Variants in ADARB2 observed in about 807,000 individuals in gnomAD.
ADARB2 encodes adenosine deaminase RNA specific B2 (inactive).
Under a neutral mutation model 62.2 loss-of-function variants are expected in ADARB2, and 25 were observed. That is an observed-to-expected ratio of 0.40 (90% confidence interval 0.29 to 0.56). ADARB2 has a LOEUF of 0.56. Ranked by LOEUF, ADARB2 falls within the 20% of genes least tolerant of loss-of-function variation. The probability of loss-of-function intolerance (pLI) is 0.43; values close to 1 mark genes in which losing one functional copy is unlikely to be tolerated. For missense variants in ADARB2, 1,071 were observed against 1,077.4 expected (o/e 0.99, Z 0.08); for synonymous variants, 572 against 500.8 (o/e 1.14, Z -1.90).
intron 1 of ADARB2, among the ~76,000 whole-genome samples, chr10:1,602,188 AC>A (rs1333971578): frequency 1.3e-5 from 2 of 152,096 alleles, no homozygotes; most frequent in Non-Finnish European, 2.9e-5. Context: ...ACTCCCAGAG[AC>A]CCTGATGTGG....
In ADARB2 at chr10:1,563,636, T is replaced by TA. The variant is rs202109649; in HGVS notation, c.100+173414dup. On this transcript the variant is annotated intron_variant, in intron 1 of 9. Coordinates refer to ENST00000381312, the MANE Select transcript of ADARB2 (RefSeq NM_018702.4). ...GGACATTTCATTTTACTTTTTTTTT[T>TA]ATTATTATTATACTTTAAGTTTTAG... Among the ~76,000 whole-genome samples the TA allele has an allele frequency of 5.8e-3, 870 of 151,168 alleles. 8 individuals are homozygous for TA. Among genetic ancestry groups the TA allele is most frequent in the African/African-American group, 0.02 (837 of 41,242 alleles).
chr10:1,312,821 A>G (rs1401441963), intron 3 of ADARB2, among the ~76,000 whole-genome samples: 1 of 152,178 alleles, frequency 6.6e-6, no homozygotes, highest in Non-Finnish European at 1.5e-5. Flanking sequence ...TCTGTTCCAG[A>G]TGCCTGTGCC....
chr10:1,270,858 G>A (rs1831254475), intron 4 of ADARB2, 97 bp downstream of exon 4: 1 of 1,023,410 alleles, frequency 9.8e-7, no homozygotes, highest in Non-Finnish European at 1.5e-6. Context: ...ACAGCCTGTT[G>A]TGGAAGAGAG....
intron 3 of ADARB2, among the ~76,000 whole-genome samples, chr10:1,303,048 G>A (rs1246066861): frequency 3.3e-5 from 5 of 152,192 alleles, no homozygotes; most frequent in African/African-American, 9.6e-5. Flanking sequence ...GACTAGCTGA[G>A]AGAAGAAGGC....
At chr10:1,479,354 G>A (rs891918679) in intron 1 of ADARB2, among the ~76,000 whole-genome samples, 3 of 152,184 alleles carry the variant, frequency 2.0e-5, no homozygotes, top group Non-Finnish European at 2.9e-5. Context: ...CCCATGACAC[G>A]TGAATGACAA....
chr10:1,666,307 G>A (rs940272420), intron 1 of ADARB2, among the ~76,000 whole-genome samples: 4 of 152,232 alleles, frequency 2.6e-5, no homozygotes, highest in Admixed American at 1.3e-4. Flanking sequence ...TGCCTGCCCC[G>A]CCAGGGCGAG....
At chr10:1,439,479 T>C (rs1475020345) in intron 1 of ADARB2, among the ~76,000 whole-genome samples, 1 of 132,244 alleles carries the variant, frequency 7.6e-6, no homozygotes, top group Non-Finnish European at 1.6e-5. Context: ...GGTCCTTCAC[T>C]ACGGGGCTTC....
intron 1 of ADARB2, among the ~76,000 whole-genome samples, chr10:1,667,007 G>A (rs1385405038): frequency 1.3e-5 from 2 of 152,140 alleles, no homozygotes; most frequent in Non-Finnish European, 2.9e-5. Context: ...AAACATAGAG[G>A]GTTTTTAAGT....
At chr10:1,448,917 C>T (rs927570844) in intron 1 of ADARB2, among the ~76,000 whole-genome samples, 3 of 152,156 alleles carry the variant, frequency 2.0e-5, no homozygotes, top group Non-Finnish European at 4.4e-5. Context: ...TCAGGGGTCC[C>T]CAGCTCATCT....
At chr10:1,721,547 T>A (rs1835092548) in intron 1 of ADARB2, among the ~76,000 whole-genome samples, 1 of 152,226 alleles carries the variant, frequency 6.6e-6, no homozygotes, top group Admixed American at 6.5e-5. Flanking sequence ...GTACACAGAT[T>A]GCAAGTGATT....
chr10:1,532,318 C>A (rs1222285072), intron 1 of ADARB2, among the ~76,000 whole-genome samples: 1 of 152,156 alleles, frequency 6.6e-6, no homozygotes, highest in Non-Finnish European at 1.5e-5. Flanking sequence ...CCAACAAAAC[C>A]AGCACCAAAA....
At chr10:1,361,267 G>A (rs970639639) in intron 3 of ADARB2, 1 of 151,570 alleles carries the variant, frequency 6.6e-6, no homozygotes, top group Non-Finnish European at 1.5e-5. Context: ...GCTACAGAGA[G>A]TGTAGAAACA....
chr10:1,722,520 C>T (rs532286911), intron 1 of ADARB2, among the ~76,000 whole-genome samples: 1 of 152,164 alleles, frequency 6.6e-6, no homozygotes, highest in African/African-American at 2.4e-5. Flanking sequence ...CCCGGTAACC[C>T]AAAGCATGAG....
chr10:1,529,854 C>G (rs1472820509), intron 1 of ADARB2, among the ~76,000 whole-genome samples: 1 of 152,220 alleles, frequency 6.6e-6, no homozygotes, highest in African/African-American at 2.4e-5. Flanking sequence ...AAGCCGCTCT[C>G]TGCTCCCCTG....
At chr10:1,697,702 G>A (rs1324605068) in intron 1 of ADARB2, among the ~76,000 whole-genome samples, 3 of 152,164 alleles carry the variant, frequency 2.0e-5, no homozygotes, top group Non-Finnish European at 4.4e-5. Context: ...AGGATGTGCT[G>A]CAGTGTGAGT....
chr10:1,448,521 C>T (rs1447762748), intron 1 of ADARB2, among the ~76,000 whole-genome samples: 1 of 152,198 alleles, frequency 6.6e-6, no homozygotes, highest in African/African-American at 2.4e-5. Context: ...CTCTTCTTCC[C>T]AGCCTGTGAG....
chr10:1,360,356 G>T (rs1161563887), intron 3 of ADARB2, among the ~76,000 whole-genome samples: 1 of 152,206 alleles, frequency 6.6e-6, no homozygotes, highest in Non-Finnish European at 1.5e-5. Flanking sequence ...TCAGACAAGG[G>T]CCAGGGACTC....
intron 1 of ADARB2, among the ~76,000 whole-genome samples, chr10:1,629,385 C>G (rs1188984245): frequency 6.6e-6 from 1 of 152,088 alleles, no homozygotes; most frequent in Non-Finnish European, 1.5e-5. Flanking sequence ...ATGGTCAGGA[C>G]TTCACAGTGA....
intron 1 of ADARB2, among the ~76,000 whole-genome samples, chr10:1,514,493 C>T (rs1831983860): frequency 6.6e-6 from 1 of 152,058 alleles, no homozygotes; most frequent in Non-Finnish European, 1.5e-5. Context: ...TTTCCTCCTA[C>T]CTCCTCCCTC....
Sources: gnomAD v4.1 joint callset for allele counts (sites outside exome capture counted in the v4.1 genomes callset) on GRCh38, gnomAD v4.1.1 for gene constraint, MANE v1.5 for transcripts, NCBI Gene and HGNC (gene_info 2026-07-23, HGNC 2026-07-21) for gene names.